The following STK3 variants were observed in gnomAD, a reference collection of about 807,000 sequenced individuals.
STK3 encodes the protein serine/threonine-protein kinase 3.
A neutral mutation model predicts 58.0 loss-of-function variants in STK3; 41 were observed. That is an observed-to-expected ratio of 0.71 (90% CI 0.55 to 0.92). The LOEUF (loss-of-function observed/expected upper bound fraction) is 0.92, where lower values mean the gene tolerates loss of function less well. STK3 is among the 40% of genes least tolerant of loss of function. The probability of loss-of-function intolerance (pLI) is 0.00; values close to 1 mark genes in which losing one functional copy is unlikely to be tolerated. For synonymous variants in STK3, 170 were observed against 191.0 expected (o/e 0.89, Z 0.91); for missense variants, 479 against 602.7 (o/e 0.79, Z 2.15).
intron 8 of STK3, among the ~76,000 whole-genome samples, chr8:98,555,434 C>G (rs540514024): frequency 6.6e-6 from 1 of 152,092 alleles, no homozygotes; most frequent in East Asian, 1.9e-4. Flanking sequence ...GTTAGGATAC[C>G]TGTTTAGTGA....
Position 98,831,243 on chromosome 8 carries a change from C to T in STK3, c.110+52404G>A, listed in dbSNP as rs371282830. 1.8e-4 allele frequency among the ~76,000 whole-genome samples: 28 copies of T among 152,172 alleles called. No homozygotes were observed. In the East Asian group the frequency reaches 5.4e-3, roughly 29 times the overall value. On this transcript the variant is annotated intron_variant, in intron 3 of 12. Coordinates refer to the STK3 transcript ENST00000523601. ...AAACATATTAAGGTAAAAATTTTTC[C>T]TTGTCATACTAGTTGCAGCTATTCA... is the stretch of plus-strand genomic sequence containing the variant.
intron 10 of STK3, among the ~76,000 whole-genome samples, chr8:98,497,717 G>A (rs968712882): frequency 7.2e-5 from 11 of 152,066 alleles, no homozygotes; most frequent in Admixed American, 5.9e-4. Flanking sequence ...CAGCTATTAG[G>A]TAAATGCAAA....
At chr8:98,401,989 C>G (rs1817948183) in intron 3 of STK3, among the ~76,000 whole-genome samples, 1 of 152,196 alleles carries the variant, frequency 6.6e-6, no homozygotes, top group Non-Finnish European at 1.5e-5. Context: ...CCAAATCCCA[C>G]TACACGGTGA....
intron 1 of STK3, among the ~76,000 whole-genome samples, chr8:98,779,484 C>G (rs1266687742): frequency 2.0e-5 from 3 of 152,180 alleles, no homozygotes; most frequent in Non-Finnish European, 4.4e-5. Flanking sequence ...CCTTTCCTTT[C>G]TGATGGTTCA....
intron 8 of STK3, among the ~76,000 whole-genome samples, chr8:98,563,392 T>C (rs1486303517): frequency 2.0e-5 from 3 of 152,286 alleles, no homozygotes; most frequent in Admixed American, 1.3e-4. Context: ...CAGATACAGA[T>C]GTATACACAT....
chr8:98,744,279 C>T (rs1032987340), intron 4 of STK3, among the ~76,000 whole-genome samples: 2 of 152,060 alleles, frequency 1.3e-5, no homozygotes, highest in African/African-American at 2.4e-5. Context: ...GACACATGCA[C>T]ACGTATCTTT....
chr8:98,385,292 A>G (rs909879671), intron 1 of STK3, among the ~76,000 whole-genome samples: 3 of 152,056 alleles, frequency 2.0e-5, no homozygotes, highest in African/African-American at 7.2e-5. Flanking sequence ...AGCAAAGGAA[A>G]CAAGTCCCAT....
chr8:98,395,656 TTTG>T (rs534285856), intron 3 of STK3, among the ~76,000 whole-genome samples: 129 of 152,338 alleles, frequency 8.5e-4, no homozygotes, highest in African/African-American at 3.0e-3. Context: ...AGATAACTTT[TTTG>T]TTGTTGTTGG....
At chr8:98,366,919 G>GTTT (rs1360559764), downstream of STK3, among the ~76,000 whole-genome samples, 1 of 152,192 alleles carries the variant, frequency 6.6e-6, no homozygotes, top group Non-Finnish European at 1.5e-5. Flanking sequence ...TTATTCATTT[G>GTTT]TTTGTCACTG....
chr8:98,597,494 C>T, intron 6 of STK3: 2 of 985,268 alleles, frequency 2.0e-6, no homozygotes, highest in Non-Finnish European at 2.4e-6. Flanking sequence ...TTCAATCAAA[C>T]AAATATTTAT....
At chr8:98,710,503 C>T (rs368435774) in intron 4 of STK3, among the ~76,000 whole-genome samples, 2 of 152,226 alleles carry the variant, frequency 1.3e-5, no homozygotes, top group African/African-American at 4.8e-5. Context: ...TATCCCGCGC[C>T]TGGCTTGGAG....
At chr8:98,442,291 C>A (rs995160692) in intron 1 of STK3, among the ~76,000 whole-genome samples, 3 of 152,252 alleles carry the variant, frequency 2.0e-5, no homozygotes, top group African/African-American at 7.2e-5. Context: ...GCACCTCATC[C>A]ATTCCTGTTA....
chr8:98,613,424 TAA>T (rs1414724534), intron 6 of STK3, among the ~76,000 whole-genome samples: 5 of 152,152 alleles, frequency 3.3e-5, no homozygotes, highest in African/African-American at 1.2e-4. Context: ...ACAAATATTT[TAA>T]GAGTCTTTAA....
intron 1 of STK3, among the ~76,000 whole-genome samples, chr8:98,806,511 C>G (rs1185684624): frequency 6.6e-6 from 1 of 152,082 alleles, no homozygotes; most frequent in East Asian, 1.9e-4. Flanking sequence ...TAGATTTCAG[C>G]AAAGTATACA....
chr8:98,459,540 C>T (rs1006202517), intron 10 of STK3, among the ~76,000 whole-genome samples: 5 of 152,182 alleles, frequency 3.3e-5, no homozygotes, highest in East Asian at 1.9e-4. Context: ...AATAAGGAGC[C>T]GAGACAATGG....
At chr8:98,745,127 T>A (rs1587496256) in intron 4 of STK3, among the ~76,000 whole-genome samples, 1 of 152,118 alleles carries the variant, frequency 6.6e-6, no homozygotes, top group Admixed American at 6.6e-5. Context: ...ACCTCTCCAG[T>A]GGTCATGAGT....
intron 1 of STK3, among the ~76,000 whole-genome samples, chr8:98,808,777 T>C (rs1323519509): frequency 6.6e-6 from 1 of 152,186 alleles, no homozygotes; most frequent in Non-Finnish European, 1.5e-5. Flanking sequence ...TCATAATAAG[T>C]CCCTTTCAAA....
chr8:98,674,819 GT>G (rs1309870933), intron 6 of STK3, among the ~76,000 whole-genome samples: 5 of 152,022 alleles, frequency 3.3e-5, no homozygotes, highest in African/African-American at 7.2e-5. Context: ...GAAGAAGGCT[GT>G]TTTTTTGTTT....
At chr8:98,528,172 C>T (rs1586784976) in intron 9 of STK3, among the ~76,000 whole-genome samples, 1 of 152,188 alleles carries the variant, frequency 6.6e-6, no homozygotes, top group Non-Finnish European at 1.5e-5. Context: ...AGCCTCCAAA[C>T]TAGTCTCCTT....
Sources: allele counts gnomAD v4.1 joint callset (sites outside exome capture counted in the v4.1 genomes callset), GRCh38; gene constraint gnomAD v4.1.1; transcripts MANE v1.5; gene names NCBI Gene and HGNC (gene_info 2026-07-23, HGNC 2026-07-21).